UPF2: variants seen among roughly 807,000 people sequenced by gnomAD.
UPF2 encodes regulator of nonsense transcripts 2.
Under a neutral mutation model 141.4 loss-of-function variants are expected in UPF2, and 17 were observed. That is an observed-to-expected ratio of 0.12 (90% CI 0.08 to 0.18). The LOEUF is 0.18. UPF2 is among the 10% of genes least tolerant of loss of function. The pLI is 1.00. For missense variants in UPF2, 1,152 were observed against 1,515.9 expected (o/e 0.76, Z 3.99); for synonymous variants, 540 against 498.0 (o/e 1.08, Z -1.12).
In UPF2 at chr10:11,998,641, T is replaced by C. The variant is rs1355336928; in HGVS notation, c.1759-884A>G. On this transcript the variant is annotated intron_variant, in intron 7 of 21. Coordinates refer to ENST00000357604, the MANE Select transcript of UPF2 (RefSeq NM_015542.4). This position sits in a 1 kb window ranked among gnomAD's most constrained non-coding sequence, Gnocchi z 4.5. ...GCCGAGGTGGGTGGATCACGTGAGG[T>C]CAGGAGTTCAAGACCAGCCTGGCCA... 1.3e-5 allele frequency among the ~76,000 whole-genome samples: 2 copies of C among 152,054 alleles called. No individual in the cohort carries two copies. The highest frequency in any genetic ancestry group is 2.9e-5 in the Non-Finnish European group (2 of 68,006).
At chr10:11,926,196 G>A (rs1434350681) in intron 21 of UPF2, among the ~76,000 whole-genome samples, 3 of 152,188 alleles carry the variant, frequency 2.0e-5, no homozygotes, top group Admixed American at 1.3e-4. Flanking sequence ...GAGGGAGGAG[G>A]AGCTGTCAAT....
intron 8 of UPF2, among the ~76,000 whole-genome samples, chr10:11,987,211 G>T (rs1430844459): frequency 6.6e-6 from 1 of 152,188 alleles, no homozygotes; most frequent in African/African-American, 2.4e-5. Context: ...GTTAGTGGAG[G>T]CTGGGTTTAA....
intron 16 of UPF2, among the ~76,000 whole-genome samples, chr10:11,946,092 A>T (rs569308335): frequency 1.3e-5 from 2 of 152,340 alleles, no homozygotes; most frequent in South Asian, 4.1e-4. Context: ...GTGGTAGCAA[A>T]TAACATAAAT....
intron 3 of UPF2, among the ~76,000 whole-genome samples, chr10:12,025,434 C>T (rs911504448): frequency 6.6e-6 from 1 of 152,114 alleles, no homozygotes; most frequent in African/African-American, 2.4e-5. Flanking sequence ...GCCTGTAATC[C>T]TAGCTACTTG....
At chr10:12,028,597 T>C in intron 3 of UPF2, 148 bp downstream of exon 3, 1 of 763,044 alleles carries the variant, frequency 1.3e-6, no homozygotes, top group East Asian at 2.7e-5. Context: ...ACTCAGACTG[T>C]TCTACTTTGA....
At chr10:12,026,243 A>G (rs895758708) in intron 3 of UPF2, among the ~76,000 whole-genome samples, 1 of 152,224 alleles carries the variant, frequency 6.6e-6, no homozygotes, top group Non-Finnish European at 1.5e-5. Flanking sequence ...AAGGTGAAGA[A>G]GAAGTGGCTT....
At chr10:11,982,081 A>G (rs1466736808) in intron 8 of UPF2, among the ~76,000 whole-genome samples, 1 of 152,090 alleles carries the variant, frequency 6.6e-6, no homozygotes, top group African/African-American at 2.4e-5. Context: ...ATGTTCTTAC[A>G]TAACAGATTA....
At chr10:11,990,653 C>G (rs1833763316) in intron 8 of UPF2, among the ~76,000 whole-genome samples, 1 of 118,688 alleles carries the variant, frequency 8.4e-6, no homozygotes, top group African/African-American at 3.1e-5. Context: ...GCACTCCAGC[C>G]TGGGTGAAGA....
At chr10:11,930,663 C>A (rs558841794) in intron 20 of UPF2, among the ~76,000 whole-genome samples, 82 of 152,236 alleles carry the variant, frequency 5.4e-4, no homozygotes, top group Admixed American at 5.4e-3. Context: ...GTAATCTTAG[C>A]TACTTGGGGG....
intron 8 of UPF2, among the ~76,000 whole-genome samples, chr10:11,994,917 A>G (rs1348521688): frequency 7.3e-6 from 1 of 137,630 alleles, no homozygotes; most frequent in Non-Finnish European, 1.5e-5. Context: ...CAGAGCTTGC[A>G]GTGAGCCGAG....
rs1218202502 is a variant in UPF2 at position 11,979,672 on chromosome 10, C to A, written c.1845-507G>T. 6.6e-6 allele frequency among the ~76,000 whole-genome samples: 1 copy of A among 151,916 alleles called. No homozygotes were observed. Among genetic ancestry groups the A allele is most frequent in the Admixed American group, 6.6e-5 (1 of 15,258 alleles). ...CTGTAATCCCAGCACTTTGGGAGGC[C>A]GAGGCAGGCAGATCATGAGGTAAAG... is the stretch of plus-strand genomic sequence containing the variant. On this transcript the variant is annotated intron_variant, in intron 8 of 21. Transcript: ENST00000357604. The surrounding 1 kb of genome is among the most constrained non-coding windows in gnomAD (Gnocchi z 6.2).
At chr10:11,997,786 A>G (rs372944910) in intron 7 of UPF2, 29 bp from the exon 8 acceptor site, 3 of 1,591,070 alleles carry the variant, frequency 1.9e-6, no homozygotes, top group African/African-American at 1.3e-5. Context: ...CTTTTTCTTT[A>G]AAAACCTCTA....
chr10:12,031,725 A>G (rs1020039541), intron 2 of UPF2, among the ~76,000 whole-genome samples: 6 of 152,112 alleles, frequency 3.9e-5, no homozygotes, highest in African/African-American at 1.4e-4. Context: ...GCAGTGAGTC[A>G]TGATCACACC....
At position 11,935,991 on chromosome 10, in the gene UPF2, T is replaced by C. The variant is rs1470873534; in HGVS notation, c.3546+554A>G. Among the ~76,000 whole-genome samples, 1 of 152,216 alleles carries C rather than the reference T, an allele frequency of 6.6e-6. No homozygotes were observed. Among genetic ancestry groups the C allele is most frequent in the African/African-American group, 2.4e-5 (1 of 41,462 alleles). ...TGAGCTGCATCGGTTGCCATCCTCC[T>C]TTCCTTCCCCGCCTGGGGCTTGCTT... is the stretch of plus-strand genomic sequence containing the variant. On this transcript the variant is annotated intron_variant, in intron 19 of 21. Transcript: ENST00000357604. This position sits in a 1 kb window ranked among gnomAD's most constrained non-coding sequence, Gnocchi z 4.9.
At chr10:11,995,270 T>G (rs1833847726) in intron 8 of UPF2, among the ~76,000 whole-genome samples, 1 of 152,094 alleles carries the variant, frequency 6.6e-6, no homozygotes, top group African/African-American at 2.4e-5. Context: ...CAAACAGTAT[T>G]CGAGAAACCA....
intron 9 of UPF2, among the ~76,000 whole-genome samples, chr10:11,968,530 T>C (rs977129995): frequency 6.6e-6 from 1 of 152,210 alleles, no homozygotes; most frequent in Non-Finnish European, 1.5e-5. Context: ...GGCTAGTGCA[T>C]TGTAATTATA....
At chr10:11,941,705 C>T (rs900457865) in intron 18 of UPF2, among the ~76,000 whole-genome samples, 6 of 152,326 alleles carry the variant, frequency 3.9e-5, no homozygotes, top group South Asian at 2.1e-4. Context: ...ACCAAACCCA[C>T]CCCAGTGGGG....
intron 14 of UPF2, among the ~76,000 whole-genome samples, chr10:11,952,981 G>T (rs1434243819): frequency 6.6e-6 from 1 of 152,078 alleles, no homozygotes; most frequent in Non-Finnish European, 1.5e-5. Context: ...AAGAGTTAAA[G>T]TATCTGAAAA....
chr10:11,986,476 C>T (rs1406888561), intron 8 of UPF2, among the ~76,000 whole-genome samples: 1 of 152,040 alleles, frequency 6.6e-6, no homozygotes, highest in East Asian at 1.9e-4. Context: ...GTTTTCATCT[C>T]CTAATCAATT....
Sources: allele counts gnomAD v4.1 joint callset (sites outside exome capture counted in the v4.1 genomes callset), GRCh38; gene constraint gnomAD v4.1.1; non-coding constraint Gnocchi (gnomAD v3.1); transcripts MANE v1.5; gene names NCBI Gene and HGNC (gene_info 2026-07-23, HGNC 2026-07-21).